Variants in NBEA observed in about 807,000 individuals in gnomAD.
NBEA encodes neurobeachin.
Under a neutral mutation model 343.4 loss-of-function variants are expected in NBEA, and 44 were observed. The observed-to-expected ratio is 0.13, with a 90% CI of 0.10 to 0.16. The LOEUF (loss-of-function observed/expected upper bound fraction) is 0.16, where lower values mean the gene tolerates loss of function less well. NBEA is among the 10% of genes least tolerant of loss of function. The pLI is 1.00. For synonymous variants in NBEA, 1,175 were observed against 1,238.7 expected (o/e 0.95, Z 1.08); for missense variants, 2,555 against 3,631.3 (o/e 0.70, Z 7.62).
chr13:35,177,541 A>G (rs2070996046), intron 28 of NBEA, among the ~76,000 whole-genome samples: 1 of 151,844 alleles, frequency 6.6e-6, no homozygotes, highest in Non-Finnish European at 1.5e-5. Flanking sequence ...CTGCATTTTA[A>G]AAAATACAGG....
In NBEA at chr13:35,143,909, A is replaced by C. The variant is rs574821992; in HGVS notation, c.2445+1532A>C. Among the ~76,000 whole-genome samples the C allele has an allele frequency of 1.3e-3, 196 of 151,352 alleles. 1 individual carries two copies. Among genetic ancestry groups the C allele is most frequent in the African/African-American group, 4.5e-3 (185 of 41,010 alleles). The stretch of plus-strand genomic sequence containing the variant: ...TCCCCTTCAAAAAAAAAAACAAAAA[A>C]AAAAACAAAAACAAATTTACACTTC... On this transcript the variant is annotated intron_variant, in intron 18 of 58. Coordinates refer to ENST00000379939, the MANE Select transcript of NBEA (RefSeq NM_001385012.1).
intron 40 of NBEA, among the ~76,000 whole-genome samples, chr13:35,467,442 A>C: frequency 6.6e-6 from 1 of 152,064 alleles, no homozygotes; most frequent in African/African-American, 2.4e-5. Context: ...ACTGCACTCC[A>C]GCCTGGGTGA....
intron 36 of NBEA, among the ~76,000 whole-genome samples, chr13:35,334,872 G>A (rs1478573910): frequency 6.6e-6 from 1 of 152,126 alleles, no homozygotes; most frequent in Non-Finnish European, 1.5e-5. Context: ...GATCCCATGT[G>A]TTCATGTTTG....
At chr13:34,970,536 A>G (rs1266688110) in intron 1 of NBEA, among the ~76,000 whole-genome samples, 2 of 152,082 alleles carry the variant, frequency 1.3e-5, no homozygotes, top group Non-Finnish European at 2.9e-5. Flanking sequence ...AGTTTTTAAT[A>G]CATCTTGAGT....
chr13:35,196,763 A>C (rs2072636856), intron 31 of NBEA, among the ~76,000 whole-genome samples: 1 of 152,296 alleles, frequency 6.6e-6, no homozygotes, highest in South Asian at 2.1e-4. Context: ...TTGAACCTTA[A>C]ATGGAAGTAT....
chr13:35,210,198 G>A (rs1461182789), intron 32 of NBEA, among the ~76,000 whole-genome samples: 1 of 151,878 alleles, frequency 6.6e-6, no homozygotes, highest in Admixed American at 6.6e-5. Flanking sequence ...TATGGAAAGT[G>A]ATGGTAGCAA....
intron 8 of NBEA, among the ~76,000 whole-genome samples, chr13:35,063,371 A>G (rs1182974166): frequency 3.3e-5 from 5 of 152,038 alleles, no homozygotes; most frequent in African/African-American, 4.8e-5. Flanking sequence ...GCTATGAGAC[A>G]CACAAAGCAG....
At chr13:35,286,953 A>G (rs1289106971) in intron 34 of NBEA, among the ~76,000 whole-genome samples, 2 of 151,996 alleles carry the variant, frequency 1.3e-5, no homozygotes, top group Non-Finnish European at 2.9e-5. Flanking sequence ...GACCACCTCA[A>G]GTTTGTCCAG....
At chr13:35,384,391 A>G (rs2042142960) in intron 38 of NBEA, among the ~76,000 whole-genome samples, 1 of 152,122 alleles carries the variant, frequency 6.6e-6, no homozygotes, top group African/African-American at 2.4e-5. Context: ...AAAGTACGTT[A>G]TATGTAATCA....
intron 1 of NBEA, among the ~76,000 whole-genome samples, chr13:34,974,711 CAA>C (rs1390889565): frequency 2.6e-5 from 4 of 151,916 alleles, no homozygotes; most frequent in Non-Finnish European, 5.9e-5. Context: ...TCAGAAAAAC[CAA>C]AGTGGAGTTT....
intron 35 of NBEA, among the ~76,000 whole-genome samples, chr13:35,298,621 A>T (rs185345530): frequency 2.7e-3 from 404 of 152,016 alleles, no homozygotes; most frequent in Non-Finnish European, 4.3e-3. Flanking sequence ...AACAGTCTAG[A>T]CTTTTTTATT....
chr13:35,153,450 A>G (rs2068933890), intron 18 of NBEA, among the ~76,000 whole-genome samples: 5 of 152,338 alleles, frequency 3.3e-5, no homozygotes, highest in Admixed American at 1.3e-4. Context: ...TGCACCTAGC[A>G]ATGTATTTTC....
intron 48 of NBEA, among the ~76,000 whole-genome samples, chr13:35,614,463 T>C (rs1246042987): frequency 6.6e-6 from 1 of 152,242 alleles, no homozygotes; most frequent in Non-Finnish European, 1.5e-5. Flanking sequence ...AAATTGGTTG[T>C]TTACAATCTC....
chr13:35,576,458 C>G (rs186281943), intron 45 of NBEA, among the ~76,000 whole-genome samples: 4 of 152,112 alleles, frequency 2.6e-5, no homozygotes, highest in African/African-American at 9.6e-5. Flanking sequence ...GTCAATAACA[C>G]TAGCCAAAAT....
At chr13:34,975,580 G>A (rs948291842) in intron 1 of NBEA, among the ~76,000 whole-genome samples, 1 of 152,182 alleles carries the variant, frequency 6.6e-6, no homozygotes, top group Admixed American at 6.5e-5. Flanking sequence ...AAGACAAATA[G>A]ATGGGACTTA....
At chr13:35,404,399 T>C (rs1032027482) in intron 38 of NBEA, among the ~76,000 whole-genome samples, 3 of 150,290 alleles carry the variant, frequency 2.0e-5, no homozygotes, top group Admixed American at 2.0e-4. Flanking sequence ...GTGGCACATA[T>C]ACACCATGGA....
intron 1 of NBEA, 70 bp downstream of exon 1, chr13:34,943,184 C>T (rs2059083292): frequency 1.3e-6 from 2 of 1,571,864 alleles, no homozygotes; most frequent in Middle Eastern, 4.0e-4. Flanking sequence ...GCCTTTCCCT[C>T]CCACCCTTCA....
chr13:35,204,795 TA>T (rs1354288203), intron 31 of NBEA, among the ~76,000 whole-genome samples: 2 of 152,244 alleles, frequency 1.3e-5, no homozygotes, highest in South Asian at 2.1e-4. Flanking sequence ...ATGTTCACTC[TA>T]AAAAAATGTT....
chr13:35,243,368 CA>C (rs932898207), intron 34 of NBEA, among the ~76,000 whole-genome samples: 1 of 151,770 alleles, frequency 6.6e-6, no homozygotes, highest in Admixed American at 6.6e-5. Context: ...GACAAAAATA[CA>C]ATGACATACA....
Sources: gnomAD v4.1 joint callset for allele counts (sites outside exome capture counted in the v4.1 genomes callset) on GRCh38, gnomAD v4.1.1 for gene constraint, MANE v1.5 for transcripts, NCBI Gene and HGNC (gene_info 2026-07-23, HGNC 2026-07-21) for gene names.